The following GCN1 variants were observed in gnomAD, a reference collection of about 807,000 sequenced individuals.
GCN1 encodes the protein GCN1 activator of EIF2AK4.
Under a neutral mutation model 288.4 loss-of-function variants are expected in GCN1, and 90 were observed. That is an observed-to-expected ratio of 0.31 (90% CI 0.26 to 0.37). The LOEUF (loss-of-function observed/expected upper bound fraction) is 0.37. GCN1 is among the 10% of genes least tolerant of loss of function. The probability of loss-of-function intolerance (pLI) is 1.00; values close to 1 mark genes in which losing one functional copy is unlikely to be tolerated. For missense variants in GCN1, 2,586 were observed against 3,419.9 expected (o/e 0.76, Z 6.08); for synonymous variants, 1,386 against 1,420.2 (o/e 0.98, Z 0.54).
intron 2 of GCN1, 70 bp downstream of exon 2, chr12:120,190,228 A>AG: frequency 2.9e-6 from 2 of 681,646 alleles, no homozygotes; most frequent in Non-Finnish European, 4.6e-6. Context: ...CTGTCTCAAA[A>AG]AAAAAAAAAA....
chr12:120,155,003 A>G lies in GCN1; in HGVS notation c.3668T>C (p.Ile1223Thr). The change falls in exon 31 of 58, where the codon ATT (isoleucine) becomes ACT (threonine). Residue 1223 changes from isoleucine (I) to threonine (T), a missense_variant. By Grantham distance (89) the Ile-to-Thr change is moderately conservative. Transcript: ENST00000300648. This position sits in a 1 kb window ranked among gnomAD's most constrained non-coding sequence, Gnocchi z 4.9. ...PPVLDALGRV[I>T]SESPPDQWEA... ...CCACTGATCTGGAGGAGATTCTGAA[A>G]TAACTCGTCCCAAAGCATCCAGCAC... is the stretch of plus-strand genomic sequence containing the variant. 6.2e-7 allele frequency: 1 copy of G among 1,614,056 alleles called. No individual in the cohort carries two copies. The highest frequency in any genetic ancestry group is 8.5e-7 in the Non-Finnish European group (1 of 1,179,872).
rs773091184 is a variant in GCN1 at position 120,177,789 on chromosome 12, C to G, written c.661-37G>C. On this transcript the variant is annotated intron_variant, in intron 7 of 57. Coordinates refer to ENST00000300648, the MANE Select transcript of GCN1 (RefSeq NM_006836.2). ...AAAGCTCTGGTTAGATCCTGACATT[C>G]TCAAGTATCTCATCACTGGCCTAAG... The G allele has an allele frequency of 1.3e-5, 18 of 1,421,690 alleles. No homozygotes were observed. The South Asian group carries it at 1.9e-4, about 15-fold the overall frequency. 88.1% of individuals were successfully genotyped at this position (1,421,690 alleles called of 1,614,324 possible).
At chr12:120,190,700 C>T (rs1357702421) in intron 1 of GCN1, among the ~76,000 whole-genome samples, 2 of 152,092 alleles carry the variant, frequency 1.3e-5, no homozygotes, top group Admixed American at 6.6e-5. Flanking sequence ...TGCTTTAATT[C>T]AACTAGTCAA....
rs187107242 is a variant in GCN1 at position 120,138,335 on chromosome 12, G to A, written c.6237C>T (p.Tyr2079=). 1.1e-5 allele frequency: 17 copies of A among 1,599,904 alleles called. No homozygotes were observed. Among genetic ancestry groups the A allele is most frequent in the Non-Finnish European group, 1.4e-5 (16 of 1,166,944 alleles). ...TGTTGGGATTTACCTTGGGCACAAGGTAGGGCAGCACCACACGACTCTTAA... is the reference window on the plus strand; with the variant it reads ...TGTTGGGATTTACCTTGGGCACAAGATAGGGCAGCACCACACGACTCTTAA... ...MAIKSRVVLP[Y]LVPKLTTPPV... is the part of the protein sequence containing the mutation. Residue 2079 remains tyrosine (Y), a synonymous_variant, in exon 47 of 58, where the codon TAC becomes TAT. Coordinates refer to ENST00000300648, the MANE Select transcript of GCN1 (RefSeq NM_006836.2).
chr12:120,174,404 G>C (rs1159675589), intron 12 of GCN1, among the ~76,000 whole-genome samples: 1 of 152,214 alleles, frequency 6.6e-6, no homozygotes, highest in Non-Finnish European at 1.5e-5. Context: ...AAGCAGGCAA[G>C]CAGCAGGGTC....
intron 1 of GCN1, among the ~76,000 whole-genome samples, chr12:120,192,229 C>T (rs1879024714): frequency 6.6e-6 from 1 of 152,172 alleles, no homozygotes; most frequent in African/African-American, 2.4e-5. Flanking sequence ...CAAATTCCAC[C>T]TTCCTAAGGA....
In GCN1 at chr12:120,137,745, C is replaced by A. The variant is rs3864938; in HGVS notation, c.6463G>T (p.Asp2155Tyr). The A allele has an allele frequency of 2.1e-3, 3,403 of 1,614,118 alleles. 4 individuals are homozygous for A. Among genetic ancestry groups the A allele is most frequent in the Non-Finnish European group, 2.7e-3 (3,131 of 1,179,972 alleles). The change falls in exon 49 of 58, where the codon GAT becomes TAT. Residue 2155 changes from aspartate (D) to tyrosine (Y), a missense_variant. Transcript: ENST00000300648. This position sits in a 1 kb window ranked among gnomAD's most constrained non-coding sequence, Gnocchi z 5.2. ...GGGCTGCGGGTGGCCTCCAGCAGAT[C>A]CTCGATGATGATCCGGTGCCCTGTG... ...DDTGHRIIIE[D>Y]LLEATRSPEV...
chr12:120,193,953 CACCTTAAA>C (rs1879087844), intron 1 of GCN1, among the ~76,000 whole-genome samples: 1 of 152,178 alleles, frequency 6.6e-6, no homozygotes, highest in Non-Finnish European at 1.5e-5. Context: ...AATGTCTTTT[CACCTTAAA>C]ACATAACAAC....
At chr12:120,149,776 C>T (rs1877480781) in intron 35 of GCN1, 56 bp from the exon 36 acceptor site, 2 of 1,530,220 alleles carry the variant, frequency 1.3e-6, no homozygotes, top group East Asian at 2.3e-5. Flanking sequence ...AGGGGCAAGG[C>T]CTGACACCAG....
chr12:120,132,065 A>G, intron 53 of GCN1, 43 bp from the exon 54 acceptor site: 1 of 1,312,898 alleles, frequency 7.6e-7, no homozygotes, highest in Non-Finnish European at 1.1e-6. Flanking sequence ...AGGGAACAAC[A>G]CCAGCTGTGT....
At chr12:120,140,411 G>T (rs1050504509) in intron 45 of GCN1, among the ~76,000 whole-genome samples, 9 of 151,984 alleles carry the variant, frequency 5.9e-5, no homozygotes, top group Non-Finnish European at 1.2e-4. Context: ...CTCCCACCTG[G>T]CACCACAACT....
At chr12:120,170,773 T>C (rs1878288676) in intron 14 of GCN1, among the ~76,000 whole-genome samples, 1 of 151,996 alleles carries the variant, frequency 6.6e-6, no homozygotes, top group Non-Finnish European at 1.5e-5. Flanking sequence ...TCCTGTCAAT[T>C]CCCATCTGGT....
chr12:120,176,910 G>A (rs1454352398), intron 9 of GCN1, among the ~76,000 whole-genome samples: 1 of 152,120 alleles, frequency 6.6e-6, no homozygotes, highest in East Asian at 1.9e-4. Context: ...AGGACTACAG[G>A]CATGTGCCAC....
chr12:120,139,507 G>C (rs1357821086), intron 45 of GCN1, among the ~76,000 whole-genome samples: 1 of 151,796 alleles, frequency 6.6e-6, no homozygotes, highest in African/African-American at 2.4e-5. Context: ...CACACCTATA[G>C]TCCCCAGCTA....
chr12:120,149,699 C>T lies in GCN1; in HGVS notation c.4453G>A (p.Ala1485Thr). The T allele has an allele frequency of 6.2e-7, 1 of 1,613,962 alleles. No homozygotes were observed. The highest frequency in any genetic ancestry group is 8.5e-7 in the Non-Finnish European group (1 of 1,179,910). ...VREAADDCAK[A>T]VMSNLSAHGV... ...TGAGCACTCAAGTTGCTCATCACAG[C>T]CTTGGCACAGTCATCTGCAGCCTCA... Residue 1485 changes from alanine (A) to threonine (T), a missense_variant, in exon 36 of 58, where the codon GCT becomes ACT. By Grantham distance (58) the Ala-to-Thr change is moderately conservative. Coordinates refer to ENST00000300648, the MANE Select transcript of GCN1 (RefSeq NM_006836.2).
chr12:120,141,134 GA>G (rs1877181911), intron 44 of GCN1, 111 bp from the exon 45 acceptor site: 4 of 890,672 alleles, frequency 4.5e-6, no homozygotes, highest in Non-Finnish European at 5.2e-6. Flanking sequence ...CTGAATCACT[GA>G]CTTAACTTCC....
rs1278833601 is a variant in GCN1 at position 120,137,255 on chromosome 12, C to T, written c.6728G>A (p.Gly2243Glu). The T allele has an allele frequency of 6.2e-7, 1 of 1,614,202 alleles. No individual in the cohort carries two copies. Among genetic ancestry groups the T allele is most frequent in the East Asian group, 2.2e-5 (1 of 44,886 alleles). Residue 2243 changes from glycine (G) to glutamate (E), a missense_variant, in exon 50 of 58, where the codon GGG becomes GAG. Gly to Glu is a moderately conservative substitution (Grantham distance 98). This residue lies in a region of GCN1 where 437 missense variants were observed against 570.5 expected (regional missense o/e 0.77). Transcript: ENST00000300648. The surrounding 1 kb of genome is among the most constrained non-coding windows in gnomAD (Gnocchi z 5.2). Reference protein sequence around the residue: ...EELHKEIRLIGNESKGEHVPG... With the variant: ...EELHKEIRLIENESKGEHVPG... ...CACATGCTCGCCTTTGCTCTCGTTC[C>T]CTATGAGCCGGATTTCCTTGTGCAG...
chr12:120,146,951 C>T (rs940300119), intron 38 of GCN1, 101 bp downstream of exon 38: 23 of 616,616 alleles, frequency 3.7e-5, no homozygotes, highest in East Asian at 3.1e-5. Context: ...TAGGGACTAA[C>T]GTCCATAACT....
rs539730489 is a variant in GCN1, at chr12:120,185,781, A to C, written c.122-894T>G. On this transcript the variant is annotated intron_variant, in intron 2 of 57. Transcript: ENST00000300648. The stretch of plus-strand genomic sequence containing the variant: ...ACGCCCAGTTAATTTTTGTATTTTT[A>C]GTAGAGACAGGGTTTCACCACGTTG... Among the ~76,000 whole-genome samples the C allele has an allele frequency of 2.6e-5, 4 of 152,202 alleles. No individual in the cohort carries two copies. In the East Asian group the frequency reaches 7.8e-4, roughly 30 times the overall value.
Sources: gnomAD v4.1 joint callset for allele counts (sites outside exome capture counted in the v4.1 genomes callset) on GRCh38, gnomAD v4.1.1 for gene constraint, gnomAD v4.1.1 regional missense constraint, Gnocchi (gnomAD v3.1) non-coding constraint, MANE v1.5 for transcripts, NCBI Gene and HGNC (gene_info 2026-07-23, HGNC 2026-07-21) for gene names.